Variants in UBE2E2 observed in about 807,000 individuals in gnomAD.
The protein encoded by UBE2E2 is ubiquitin-conjugating enzyme E2 E2.
UBE2E2 carries 6 observed loss-of-function variants against 24.7 expected under a neutral mutation model. That is an observed-to-expected ratio of 0.24 (90% CI 0.13 to 0.48). The LOEUF (loss-of-function observed/expected upper bound fraction) is 0.48. Among genes scored for constraint, UBE2E2 ranks in the 20% least tolerant of loss-of-function variants. The pLI is 0.99. For synonymous variants in UBE2E2, 104 were observed against 83.6 expected, an observed-to-expected ratio of 1.24 and a Z score of -1.33; for missense variants, 169 against 245.0, an observed-to-expected ratio of 0.69 and a Z score of 2.07.
intron 3 of UBE2E2, among the ~76,000 whole-genome samples, chr3:23,260,109 A>C (rs990318186): frequency 6.6e-6 from 1 of 152,206 alleles, no homozygotes. Flanking sequence ...TGTTGGGTTA[A>C]AAATTACTGA....
chr3:23,418,150 T>C (rs1368434012), intron 3 of UBE2E2, among the ~76,000 whole-genome samples: 1 of 152,114 alleles, frequency 6.6e-6, no homozygotes, highest in East Asian at 1.9e-4. Context: ...CAAATGGCCG[T>C]CCAGTTTTGT....
At chr3:23,581,763 A>G (rs992173578) in intron 5 of UBE2E2, among the ~76,000 whole-genome samples, 2 of 152,060 alleles carry the variant, frequency 1.3e-5, no homozygotes, top group Non-Finnish European at 2.9e-5. Context: ...TTTTCGTGTA[A>G]TTTCTTCCAT....
At chr3:23,218,901 G>T (rs1409745663) in intron 3 of UBE2E2, among the ~76,000 whole-genome samples, 3 of 152,064 alleles carry the variant, frequency 2.0e-5, no homozygotes, top group African/African-American at 7.2e-5. Flanking sequence ...AAATTTGGAG[G>T]TTTACTTTGT....
At chr3:23,420,429 G>A (rs999609574) in intron 3 of UBE2E2, among the ~76,000 whole-genome samples, 1 of 152,166 alleles carries the variant, frequency 6.6e-6, no homozygotes, top group African/African-American at 2.4e-5. Context: ...ATTTTAATGG[G>A]CAGTTTCATA....
chr3:23,347,439 A>C (rs1695591938), intron 3 of UBE2E2, among the ~76,000 whole-genome samples: 1 of 152,204 alleles, frequency 6.6e-6, no homozygotes, highest in African/African-American at 2.4e-5. Context: ...CATTCTAAGC[A>C]AACTATCACA....
intron 3 of UBE2E2, among the ~76,000 whole-genome samples, chr3:23,243,863 G>T (rs1697318582): frequency 6.6e-6 from 1 of 151,678 alleles, no homozygotes; most frequent in African/African-American, 2.4e-5. Context: ...TGTCAATTCA[G>T]AGAACATTTT....
chr3:23,465,591 C>T (rs1352831257), intron 3 of UBE2E2, among the ~76,000 whole-genome samples: 2 of 152,116 alleles, frequency 1.3e-5, no homozygotes, highest in Non-Finnish European at 2.9e-5. Flanking sequence ...ATTCATTAGC[C>T]AGAATAAGAA....
intron 3 of UBE2E2, among the ~76,000 whole-genome samples, chr3:23,369,933 T>A (rs1696360751): frequency 6.6e-6 from 1 of 152,204 alleles, no homozygotes; most frequent in Non-Finnish European, 1.5e-5. Flanking sequence ...TATAATTTTT[T>A]AAAAGTTGTC....
chr3:23,208,944 G>T (rs1696234858), intron 2 of UBE2E2, 69 bp downstream of exon 2: 1 of 1,413,866 alleles, frequency 7.1e-7, no homozygotes, highest in African/African-American at 1.5e-5. Flanking sequence ...TTTTTCTCTT[G>T]CATTTAATCA....
At chr3:23,297,675 T>C (rs1284155721) in intron 3 of UBE2E2, among the ~76,000 whole-genome samples, 1 of 152,080 alleles carries the variant, frequency 6.6e-6, no homozygotes, top group Non-Finnish European at 1.5e-5. Flanking sequence ...TACCATGCTG[T>C]TTTGGTTACT....
chr3:23,399,230 GA>G (rs1235768009), intron 3 of UBE2E2, among the ~76,000 whole-genome samples: 2 of 152,140 alleles, frequency 1.3e-5, no homozygotes, highest in African/African-American at 4.8e-5. Context: ...TTCACTTAAA[GA>G]AAGCAGTTTA....
intron 5 of UBE2E2, among the ~76,000 whole-genome samples, chr3:23,571,696 C>T (rs757663202): frequency 3.3e-5 from 5 of 152,120 alleles, no homozygotes; most frequent in African/African-American, 1.2e-4. Flanking sequence ...GTCAGCAGGT[C>T]AGCTACCTAA....
At chr3:23,412,032 A>G (rs1018390917) in intron 3 of UBE2E2, among the ~76,000 whole-genome samples, 4 of 152,142 alleles carry the variant, frequency 2.6e-5, no homozygotes, top group Non-Finnish European at 5.9e-5. Context: ...CTGCTCTGAT[A>G]ATTAAGATTC....
chr3:23,215,163 GA>G (rs1261309837), intron 2 of UBE2E2, among the ~76,000 whole-genome samples: 1 of 151,862 alleles, frequency 6.6e-6, no homozygotes, highest in Non-Finnish European at 1.5e-5. Context: ...GTAAATTGGG[GA>G]TAATATCTTC....
At chr3:23,276,494 AAAG>A (rs1204205500) in intron 3 of UBE2E2, among the ~76,000 whole-genome samples, 2 of 152,134 alleles carry the variant, frequency 1.3e-5, no homozygotes, top group African/African-American at 4.8e-5. Flanking sequence ...AGAAGGGAAA[AAAG>A]CTAGAAAGTT....
At chr3:23,426,934 A>G (rs1461880126) in intron 3 of UBE2E2, among the ~76,000 whole-genome samples, 2 of 152,196 alleles carry the variant, frequency 1.3e-5, no homozygotes, top group Non-Finnish European at 2.9e-5. Context: ...ACATATATAT[A>G]TACTTATCTA....
At chr3:23,400,034 A>G (rs113776125) in intron 3 of UBE2E2, among the ~76,000 whole-genome samples, 5 of 152,154 alleles carry the variant, frequency 3.3e-5, no homozygotes, top group Non-Finnish European at 5.9e-5. Flanking sequence ...AACTATCTCT[A>G]TGTGAACTAT....
rs200852683 is a variant in UBE2E2, at chr3:23,286,214, T to TA, written c.227+68903dup. On this transcript the variant is annotated intron_variant, in intron 3 of 5. Transcript: ENST00000396703. ...TTTGCCCATTTTTGCTTTAGTTTCT[T>TA]ATGCTTTCTGGGTATTACTCAGGAA... Among the ~76,000 whole-genome samples, 86 of 152,310 alleles carry TA rather than the reference T, an allele frequency of 5.6e-4. 3 individuals carry two copies. In the East Asian group the frequency reaches 0.015, roughly 27 times the overall value.
chr3:23,307,106 C>G (rs1343659367), intron 3 of UBE2E2, among the ~76,000 whole-genome samples: 2 of 152,152 alleles, frequency 1.3e-5, no homozygotes, highest in Non-Finnish European at 2.9e-5. Context: ...AGTATGCTAA[C>G]TTGGAGATGT....
Sources: gnomAD v4.1 joint callset for allele counts (sites outside exome capture counted in the v4.1 genomes callset) on GRCh38, gnomAD v4.1.1 for gene constraint, MANE v1.5 for transcripts, NCBI Gene and HGNC (gene_info 2026-07-23, HGNC 2026-07-21) for gene names.